TMCC3: variants seen among roughly 807,000 people sequenced by gnomAD.
The protein encoded by TMCC3 is transmembrane and coiled-coil domain protein 3.
A neutral mutation model predicts 40.2 loss-of-function variants in TMCC3; 28 were observed. The observed-to-expected ratio is 0.70, with a 90% CI of 0.52 to 0.95. The LOEUF (loss-of-function observed/expected upper bound fraction) is 0.95, where lower values mean the gene tolerates loss of function less well. TMCC3 is among the 40% of genes least tolerant of loss of function. The pLI, the probability that TMCC3 is intolerant of heterozygous loss-of-function variation, is 0.00. For synonymous variants in TMCC3, 255 were observed against 248.5 expected, an observed-to-expected ratio of 1.03 and a Z score of -0.25; for missense variants, 554 against 615.2, an observed-to-expected ratio of 0.90 and a Z score of 1.05.
intron 1 of TMCC3, among the ~76,000 whole-genome samples, chr12:94,595,386 C>T (rs1277997517): frequency 2.0e-5 from 3 of 152,172 alleles, no homozygotes; most frequent in African/African-American, 4.8e-5. Context: ...ATCCCCATTC[C>T]TAGAGCATCC....
chr12:94,606,539 G>GTATTTTTAGTAGAGATGGGTATC (rs2068784264), intron 1 of TMCC3, among the ~76,000 whole-genome samples: 2 of 151,870 alleles, frequency 1.3e-5, no homozygotes, highest in Admixed American at 6.6e-5. Context: ...GCTAATTTTT[G>GTATTTTTAGTAGAGATGGGTATC]TATTTTTAGT....
At chr12:94,616,031 C>T (rs2068845978) in intron 1 of TMCC3, 2 of 985,294 alleles carry the variant, frequency 2.0e-6, no homozygotes, top group African/African-American at 1.7e-5. Flanking sequence ...TTCCAAACAG[C>T]ACCTACCATA....
intron 1 of TMCC3, among the ~76,000 whole-genome samples, chr12:94,614,201 G>T (rs2068834497): frequency 6.6e-6 from 1 of 151,488 alleles, no homozygotes; most frequent in Non-Finnish European, 1.5e-5. Flanking sequence ...CAATCCTATT[G>T]CTTTATCTCT....
chr12:94,593,434 G>GA (rs780997868), intron 1 of TMCC3, among the ~76,000 whole-genome samples: 3 of 22,538 alleles, frequency 1.3e-4, no homozygotes, highest in Admixed American at 9.8e-4. Context: ...GAAGAAGAAG[G>GA]AGAAGGAGAA....
chr12:94,621,687 T>G (rs527860787), intron 1 of TMCC3, among the ~76,000 whole-genome samples: 1 of 152,208 alleles, frequency 6.6e-6, no homozygotes, highest in Non-Finnish European at 1.5e-5. Context: ...GTTTAAGTGA[T>G]TTCACCAAGG....
chr12:94,577,195 T>A (rs550225592), intron 3 of TMCC3, among the ~76,000 whole-genome samples: 77 of 152,282 alleles, frequency 5.1e-4, no homozygotes, highest in Middle Eastern at 3.4e-3. Context: ...TTAATTAATT[T>A]ATTCATTTTT....
intron 1 of TMCC3, among the ~76,000 whole-genome samples, chr12:94,584,262 A>G (rs1475196031): frequency 6.6e-6 from 1 of 151,914 alleles, no homozygotes; most frequent in African/African-American, 2.4e-5. Context: ...TTGGTTGTTT[A>G]AAAGTGTGTA....
intron 1 of TMCC3, among the ~76,000 whole-genome samples, chr12:94,617,744 C>T (rs1417081924): frequency 2.6e-5 from 4 of 152,068 alleles, no homozygotes; most frequent in African/African-American, 9.7e-5. Flanking sequence ...TGCTATGTGG[C>T]TTAAGTGGTG....
intron 1 of TMCC3, among the ~76,000 whole-genome samples, chr12:94,591,747 G>A (rs2068677312): frequency 6.6e-6 from 1 of 152,106 alleles, no homozygotes; most frequent in African/African-American, 2.4e-5. Flanking sequence ...GGGCAACAGA[G>A]GGAGACCCTG....
chr12:94,593,568 T>C (rs1304315280), intron 1 of TMCC3, among the ~76,000 whole-genome samples: 1 of 151,738 alleles, frequency 6.6e-6, no homozygotes, highest in Non-Finnish European at 1.5e-5. Flanking sequence ...ATATCTTTCA[T>C]GGCCCAGTCC....
At chr12:94,574,415 G>A (rs1027140041) in intron 3 of TMCC3, among the ~76,000 whole-genome samples, 2 of 151,888 alleles carry the variant, frequency 1.3e-5, no homozygotes, top group African/African-American at 4.8e-5. Context: ...CAGAATGTGA[G>A]GCTTGAGAGA....
chr12:94,585,131 A>C (rs1242228956), intron 1 of TMCC3, among the ~76,000 whole-genome samples: 1 of 152,160 alleles, frequency 6.6e-6, no homozygotes, highest in East Asian at 1.9e-4. Flanking sequence ...ATGTCTTAGA[A>C]ACTTCCTTTG....
intron 1 of TMCC3, among the ~76,000 whole-genome samples, chr12:94,640,201 G>A (rs149873004): frequency 1.4e-4 from 21 of 152,252 alleles, no homozygotes; most frequent in Non-Finnish European, 2.5e-4. Context: ...ACAGGGTCTC[G>A]CCATCACCCA....
At position 94,584,919 on chromosome 12, in the gene TMCC3, G is replaced by A. The variant is rs183349688; in HGVS notation, c.79-2381C>T. ...AACAATCTTTAAGTCCTAGAGGGTC[G>A]ACCACAGGAAGCTCAAGGAATCTAG... On this transcript the variant is annotated intron_variant, in intron 1 of 3. Transcript: ENST00000261226. Among the ~76,000 whole-genome samples the A allele has an allele frequency of 1.7e-3, 264 of 152,116 alleles. 1 individual carries two copies. The highest frequency in any genetic ancestry group is 5.5e-3 in the African/African-American group (228 of 41,488).
At chr12:94,605,232 C>A (rs546263071) in intron 1 of TMCC3, among the ~76,000 whole-genome samples, 4 of 152,032 alleles carry the variant, frequency 2.6e-5, no homozygotes, top group Admixed American at 6.6e-5. Context: ...TTTTTATAAT[C>A]ATGAAAATAA....
At chr12:94,584,561 T>A (rs2651989) in intron 1 of TMCC3, among the ~76,000 whole-genome samples, 151,705 of 151,706 alleles carry the variant, frequency 1, 75,852 homozygotes, top group Middle Eastern at 1. Flanking sequence ...TTCACCACGT[T>A]ATAAATCCTG....
intron 1 of TMCC3, among the ~76,000 whole-genome samples, chr12:94,635,932 G>A (rs1180417014): frequency 6.6e-6 from 1 of 152,138 alleles, no homozygotes; most frequent in East Asian, 1.9e-4. Flanking sequence ...GCCTCCCAAA[G>A]TGCTGGGATT....
At chr12:94,598,664 CA>C in intron 1 of TMCC3, 1 of 985,448 alleles carries the variant, frequency 1.0e-6, no homozygotes, top group African/African-American at 1.7e-5. Flanking sequence ...GCAGGTTCTA[CA>C]GTCATTAAAT....
chr12:94,579,508 A>G (rs1007428941), intron 2 of TMCC3, among the ~76,000 whole-genome samples: 1 of 152,188 alleles, frequency 6.6e-6, no homozygotes, highest in African/African-American at 2.4e-5. Flanking sequence ...CTCCATCTCA[A>G]AACAACAACA....
Sources: allele counts gnomAD v4.1 joint callset (sites outside exome capture counted in the v4.1 genomes callset), GRCh38; gene constraint gnomAD v4.1.1; transcripts MANE v1.5; gene names NCBI Gene and HGNC (gene_info 2026-07-23, HGNC 2026-07-21).